The following ELL2 variants were observed in gnomAD, a reference collection of about 807,000 sequenced individuals.
The protein encoded by ELL2 is elongation factor for RNA polymerase II 2.
A neutral mutation model predicts 72.8 loss-of-function variants in ELL2; 21 were observed. The ratio of observed to expected loss-of-function variants is 0.29; its 90% confidence interval spans 0.20 to 0.42. ELL2 has a LOEUF of 0.42. Among genes scored for constraint, ELL2 ranks in the 10% least tolerant of loss-of-function variants. ELL2 has a pLI of 1.00. For synonymous variants in ELL2, 266 were observed against 283.2 expected (o/e 0.94, Z 0.61); for missense variants, 568 against 772.8 (o/e 0.73, Z 3.14).
At chr5:95,900,355 A>G (rs561295689) in intron 7 of ELL2, 1 of 174,646 alleles carries the variant, frequency 5.7e-6, no homozygotes, top group East Asian at 1.5e-4. Flanking sequence ...AGTATCTTCA[A>G]TTTTCCATAT....
chr5:95,909,430 T>TG lies in ELL2; in HGVS notation c.482-2649dup, dbSNP rs200982496. On this transcript the variant is annotated intron_variant, in intron 4 of 11. Coordinates refer to ENST00000237853, the MANE Select transcript of ELL2 (RefSeq NM_012081.6). ...GTTCACTACCTCCCCATCCCTTTTG[T>TG]GCCTATTCGACAAGGAAGGAATCCT... 3.7e-3 allele frequency among the ~76,000 whole-genome samples: 568 copies of TG among 152,280 alleles called. 2 individuals carry two copies. Among genetic ancestry groups the TG allele is most frequent in the African/African-American group, 0.013 (551 of 41,552 alleles).
rs761915256 is a variant in ELL2 at position 95,900,906 on chromosome 5, C to T, written c.866+50G>A. The T allele has an allele frequency of 2.4e-5, 37 of 1,571,352 alleles. No individual in the cohort carries two copies. The East Asian group carries it at 8.1e-4, about 34-fold the overall frequency. On this transcript the variant is annotated intron_variant, in intron 6 of 11. Transcript: ENST00000237853. Reference sequence around the variant, plus strand: ...AATGACTAAAATAATGACTTATTTCCATAATTTTTAAAGAAACATTTTTTT... The same window carrying T: ...AATGACTAAAATAATGACTTATTTCTATAATTTTTAAAGAAACATTTTTTT...
At chr5:95,937,060 T>C (rs1227251603) in intron 2 of ELL2, among the ~76,000 whole-genome samples, 1 of 152,230 alleles carries the variant, frequency 6.6e-6, no homozygotes, top group African/African-American at 2.4e-5. Context: ...TTGCTAAGAA[T>C]ACAATTTAAG....
chr5:95,947,968 T>C (rs887306511), intron 1 of ELL2, among the ~76,000 whole-genome samples: 1 of 152,214 alleles, frequency 6.6e-6, no homozygotes, highest in Admixed American at 6.5e-5. Context: ...ATTTATGGAA[T>C]AGTTGTATGT....
intron 2 of ELL2, among the ~76,000 whole-genome samples, chr5:95,937,132 G>T (rs1449886961): frequency 6.6e-6 from 1 of 152,206 alleles, no homozygotes; most frequent in African/African-American, 2.4e-5. Context: ...AAGTGATGCA[G>T]TTTGGTGAAG....
At chr5:95,892,720 C>T (rs947142141) in intron 9 of ELL2, among the ~76,000 whole-genome samples, 1 of 152,150 alleles carries the variant, frequency 6.6e-6, no homozygotes, top group Admixed American at 6.5e-5. Context: ...GTTTAAATTA[C>T]TAATATCACA....
chr5:95,946,960 A>G (rs1751181551), intron 1 of ELL2, among the ~76,000 whole-genome samples: 1 of 152,246 alleles, frequency 6.6e-6, no homozygotes, highest in African/African-American at 2.4e-5. Flanking sequence ...GCCCAAAGGA[A>G]AAAAATCCAA....
rs1187881368 is a variant in ELL2, at chr5:95,948,429, C to CAAAAAAAAAAAA, written c.148-5392_148-5381dup. 4.9e-3 allele frequency among the ~76,000 whole-genome samples: 174 copies of CAAAAAAAAAAAA among 35,206 alleles called. 12 individuals are homozygous for CAAAAAAAAAAAA. The highest frequency in any genetic ancestry group is 0.022 in the Middle Eastern group (1 of 46). The allele number at this position is 35,206 out of a possible 152,430, so 23.1% of individuals were successfully genotyped here. A position where few individuals can be genotyped will look rare whatever the true frequency, so the allele number is the denominator to read the frequency against. On this transcript the variant is annotated intron_variant, in intron 1 of 11. Coordinates refer to ENST00000237853, the MANE Select transcript of ELL2 (RefSeq NM_012081.6). The stretch of plus-strand genomic sequence containing the variant: ...TGGGCAACAGAGCGAGACTCCGCCT[C>CAAAAAAAAAAAA]AAAAAAAAAAAAAAAAAAAAAAAAG...
intron 1 of ELL2, among the ~76,000 whole-genome samples, chr5:95,944,969 T>G (rs1751100849): frequency 6.6e-6 from 1 of 152,184 alleles, no homozygotes; most frequent in Admixed American, 6.5e-5. Context: ...CTCCCAGCTC[T>G]CTGATCACAC....
Position 95,920,758 on chromosome 5 carries a change from A to T in ELL2, c.196-1213T>A, listed in dbSNP as rs543010886. Among the ~76,000 whole-genome samples the T allele has an allele frequency of 2.6e-5, 4 of 152,186 alleles. No individual in the cohort carries two copies. In the East Asian group the frequency reaches 7.7e-4, roughly 29 times the overall value. On this transcript the variant is annotated intron_variant, in intron 2 of 11. Coordinates refer to ENST00000237853, the MANE Select transcript of ELL2 (RefSeq NM_012081.6). Reference sequence around the variant, plus strand: ...GTCTGCATGGTGTTAGGTGATAATTAAAAAAAAGGATTAGTTGGCAAGAAT... The same window carrying T: ...GTCTGCATGGTGTTAGGTGATAATTTAAAAAAAGGATTAGTTGGCAAGAAT...
chr5:95,904,724 T>TG, intron 5 of ELL2, among the ~76,000 whole-genome samples: 1 of 152,258 alleles, frequency 6.6e-6, no homozygotes, highest in East Asian at 1.9e-4. Context: ...GTATGTATCT[T>TG]GCGGCTCTTC....
chr5:95,898,779 G>C lies in ELL2; in HGVS notation c.986C>G (p.Pro329Arg), dbSNP rs987872959. ...TATTCGGGCTTTTTTATTCATTAAA[G>C]GATCAATAAACTCTGAATCCAAAAG... ...KRLLDSEFID[P>R]LMNKKARISH... Residue 329 changes from proline to arginine, a missense_variant, in exon 8 of 12, where the codon CCT (proline) becomes CGT (arginine). Transcript: ENST00000237853. 6.6e-7 allele frequency: 1 copy of C among 1,523,248 alleles called. No homozygotes were observed. Among genetic ancestry groups the C allele is most frequent in the Admixed American group, 2.1e-5 (1 of 46,774 alleles). The allele number at this position is 1,523,248 out of a possible 1,614,324, so 94.4% of individuals were successfully genotyped here. A position where few individuals can be genotyped will look rare whatever the true frequency, so the allele number is the denominator to read the frequency against.
At chr5:95,915,132 C>CT (rs1341087437) in intron 3 of ELL2, among the ~76,000 whole-genome samples, 1 of 152,122 alleles carries the variant, frequency 6.6e-6, no homozygotes, top group East Asian at 1.9e-4. Flanking sequence ...GAGATGGAGT[C>CT]TCGCTCTGTT....
At chr5:95,942,879 A>C (rs1751019396) in intron 2 of ELL2, 123 bp downstream of exon 2, 4 of 550,174 alleles carry the variant, frequency 7.3e-6, no homozygotes, top group Non-Finnish European at 1.1e-5. Context: ...ATTTTCATTT[A>C]GTCACAAAGC....
chr5:95,891,974 T>C (rs1222687453), intron 9 of ELL2, among the ~76,000 whole-genome samples: 1 of 152,250 alleles, frequency 6.6e-6, no homozygotes, highest in East Asian at 1.9e-4. Flanking sequence ...CAAAAGCCAG[T>C]GTTGTACTAT....
chr5:95,927,557 A>G (rs1242372424), intron 2 of ELL2, among the ~76,000 whole-genome samples: 2 of 24,584 alleles, frequency 8.1e-5, no homozygotes, highest in Admixed American at 2.8e-4. Flanking sequence ...ATACACACAC[A>G]CGTGTGTATA....
At chr5:95,921,478 T>C (rs1391751701) in intron 2 of ELL2, among the ~76,000 whole-genome samples, 1 of 152,238 alleles carries the variant, frequency 6.6e-6, no homozygotes, top group South Asian at 2.1e-4. Flanking sequence ...TTCCCAAAAC[T>C]TTCCCCAGTT....
chr5:95,950,975 G>A (rs1751374798), intron 1 of ELL2, among the ~76,000 whole-genome samples: 1 of 131,462 alleles, frequency 7.6e-6, no homozygotes, highest in South Asian at 2.4e-4. Context: ...ATATATGGTT[G>A]TCTTAAATCT....
intron 2 of ELL2, among the ~76,000 whole-genome samples, chr5:95,934,663 T>C (rs1300704048): frequency 6.6e-6 from 1 of 152,192 alleles, no homozygotes; most frequent in African/African-American, 2.4e-5. Context: ...CTCTATCAAG[T>C]AGTTGACTAC....
Sources: allele counts gnomAD v4.1 joint callset (sites outside exome capture counted in the v4.1 genomes callset), GRCh38; gene constraint gnomAD v4.1.1; transcripts MANE v1.5; gene names NCBI Gene and HGNC (gene_info 2026-07-23, HGNC 2026-07-21).